AMOTL1: variants seen among roughly 807,000 people sequenced by gnomAD.
AMOTL1 encodes the protein angiomotin like 1.
Under a neutral mutation model 102.9 loss-of-function variants are expected in AMOTL1, and 45 were observed. That is an observed-to-expected ratio of 0.44 (90% confidence interval 0.34 to 0.56). The LOEUF (loss-of-function observed/expected upper bound fraction) is 0.56, where lower values mean the gene tolerates loss of function less well. Among genes scored for constraint, AMOTL1 ranks in the 20% least tolerant of loss-of-function variants. The pLI, the probability that AMOTL1 is intolerant of heterozygous loss-of-function variation, is 0.01. For missense variants in AMOTL1, 1,114 were observed against 1,225.6 expected, an observed-to-expected ratio of 0.91 and a Z score of 1.36; for synonymous variants, 481 against 484.7, an observed-to-expected ratio of 0.99 and a Z score of 0.10.
intron 3 of AMOTL1, among the ~76,000 whole-genome samples, chr11:94,817,157 C>G (rs767806725): frequency 7.9e-5 from 12 of 151,432 alleles, no homozygotes; most frequent in Non-Finnish European, 1.8e-4. Flanking sequence ...CTCATGCTGT[C>G]TTTATTAGGG....
In AMOTL1 at chr11:94,868,501, G is replaced by C. The variant is rs183681129; in HGVS notation, c.2489-697G>C. Among the ~76,000 whole-genome samples, 37 of 151,114 alleles carry C rather than the reference G, an allele frequency of 2.4e-4. No individual in the cohort carries two copies. In the East Asian group the frequency reaches 5.0e-3, roughly 20 times the overall value. On this transcript the variant is annotated intron_variant, in intron 11 of 12. Coordinates refer to ENST00000433060, the MANE Select transcript of AMOTL1 (RefSeq NM_130847.3). ...CCCAGCCTCACTACTCTTGAGGAAG[G>C]GGGTAAGGAGAGGGCTAAGTGGCCT...
At chr11:94,740,799 G>C (rs1950510435) in intron 2 of AMOTL1, 1 of 576,600 alleles carries the variant, frequency 1.7e-6, no homozygotes, top group East Asian at 6.8e-5. Context: ...ATCCCGCGGG[G>C]CCTCCGGCTC....
chr11:94,707,248 C>CTGTG (rs1225814157), intron 1 of AMOTL1, among the ~76,000 whole-genome samples: 762 of 65,846 alleles, frequency 0.012, 8 homozygotes, highest in African/African-American at 0.027. Flanking sequence ...CTCTCTCTCT[C>CTGTG]TCTGTGTGTG....
intron 12 of AMOTL1, among the ~76,000 whole-genome samples, chr11:94,870,185 A>G (rs1171225658): frequency 6.6e-6 from 1 of 152,146 alleles, no homozygotes. Context: ...TCCACATCCT[A>G]AAACCTGAGA....
chr11:94,828,341 G>A (rs541793348), intron 4 of AMOTL1, among the ~76,000 whole-genome samples: 10 of 152,224 alleles, frequency 6.6e-5, no homozygotes, highest in Admixed American at 3.9e-4. Flanking sequence ...CTGTCATTGA[G>A]CTGTTTACAT....
rs150424653 is a variant in AMOTL1 at position 94,870,464 on chromosome 11, C to A, written c.2765-225C>A. On this transcript the variant is annotated intron_variant, in intron 12 of 12. Coordinates refer to ENST00000433060, the MANE Select transcript of AMOTL1 (RefSeq NM_130847.3). ...TCCTGTACAGAGTCCCACTGTCATC[C>A]TCACCTTCTGAATCCTCTCCCTTCA... 1.8e-3 allele frequency among the ~76,000 whole-genome samples: 275 copies of A among 152,224 alleles called. 4 individuals carry two copies. The highest frequency in any genetic ancestry group is 6.4e-3 in the African/African-American group (266 of 41,516).
intron 1 of AMOTL1, among the ~76,000 whole-genome samples, chr11:94,727,910 C>T (rs1185297309): frequency 6.6e-6 from 1 of 152,084 alleles, no homozygotes; most frequent in African/African-American, 2.4e-5. Context: ...GGCAGATAGC[C>T]AAAAAGCAAC....
chr11:94,739,754 G>A (rs1455703748), intron 2 of AMOTL1, among the ~76,000 whole-genome samples: 2 of 152,094 alleles, frequency 1.3e-5, no homozygotes, highest in African/African-American at 2.4e-5. Flanking sequence ...TCTCTCTGGA[G>A]CACACCCCAA....
At chr11:94,734,757 A>T (rs1950411301) in intron 2 of AMOTL1, among the ~76,000 whole-genome samples, 1 of 152,142 alleles carries the variant, frequency 6.6e-6, no homozygotes, top group African/African-American at 2.4e-5. Context: ...TGCAGAGAAG[A>T]TGATCAAAGG....
intron 3 of AMOTL1, among the ~76,000 whole-genome samples, chr11:94,754,444 G>A (rs1235690597): frequency 1.3e-5 from 2 of 152,228 alleles, no homozygotes; most frequent in Non-Finnish European, 2.9e-5. Context: ...GCATGGGAAC[G>A]CTCCGAAGTG....
chr11:94,743,840 G>A (rs1334654762), intron 3 of AMOTL1, among the ~76,000 whole-genome samples: 1 of 151,690 alleles, frequency 6.6e-6, no homozygotes, highest in African/African-American at 2.4e-5. Flanking sequence ...TGGAAATTTA[G>A]TAGAGACAGG....
intron 1 of AMOTL1, among the ~76,000 whole-genome samples, chr11:94,721,410 A>G (rs1424929994): frequency 6.6e-6 from 1 of 151,996 alleles, no homozygotes; most frequent in Admixed American, 6.6e-5. Context: ...GGTGTTATGG[A>G]TTGAATGTTT....
chr11:94,775,698 T>G (rs1368788719), intron 1 of AMOTL1, among the ~76,000 whole-genome samples: 1 of 152,180 alleles, frequency 6.6e-6, no homozygotes, highest in African/African-American at 2.4e-5. Context: ...CAATTTCTGT[T>G]GAGGAGTGTT....
intron 3 of AMOTL1, among the ~76,000 whole-genome samples, chr11:94,816,973 C>T (rs939445294): frequency 3.3e-5 from 5 of 152,150 alleles, no homozygotes; most frequent in Admixed American, 2.6e-4. Flanking sequence ...TGATGCAAGA[C>T]CAGCATATGA....
At chr11:94,832,249 A>G (rs972215223) in intron 6 of AMOTL1, among the ~76,000 whole-genome samples, 9 of 152,216 alleles carry the variant, frequency 5.9e-5, no homozygotes, top group Non-Finnish European at 1.0e-4. Flanking sequence ...ATTCATATCT[A>G]TATCATAATT....
At chr11:94,850,369 T>C (rs906084707) in intron 7 of AMOTL1, 110 bp downstream of exon 7, 3 of 1,362,676 alleles carry the variant, frequency 2.2e-6, no homozygotes, top group East Asian at 2.6e-5. Context: ...TTCCAAGGAG[T>C]TGAGACAGGG....
intron 6 of AMOTL1, among the ~76,000 whole-genome samples, chr11:94,839,804 TTGGA>T (rs1952260229): frequency 6.6e-6 from 1 of 152,236 alleles, no homozygotes; most frequent in African/African-American, 2.4e-5. Flanking sequence ...GGGAAGGATC[TTGGA>T]TGGTAAATGA....
At chr11:94,765,428 T>A (rs1285334939), upstream of AMOTL1, among the ~76,000 whole-genome samples, 2 of 152,154 alleles carry the variant, frequency 1.3e-5, no homozygotes, top group African/African-American at 4.8e-5. Context: ...TTGCAGGCCT[T>A]AGTTCCTGAA....
chr11:94,750,341 A>G (rs541278703), intron 3 of AMOTL1, among the ~76,000 whole-genome samples: 2 of 152,280 alleles, frequency 1.3e-5, no homozygotes, highest in Non-Finnish European at 1.5e-5. Flanking sequence ...TCCACTTGAC[A>G]CTGGCTGTTG....
Sources: allele counts gnomAD v4.1 joint callset (sites outside exome capture counted in the v4.1 genomes callset), GRCh38; gene constraint gnomAD v4.1.1; transcripts MANE v1.5; gene names NCBI Gene and HGNC (gene_info 2026-07-23, HGNC 2026-07-21).